GRID2: variants seen among roughly 807,000 people sequenced by gnomAD.
The protein encoded by GRID2 is glutamate ionotropic receptor delta type subunit 2.
GRID2 carries 33 observed loss-of-function variants against 114.8 expected under a neutral mutation model. The ratio of observed to expected loss-of-function variants is 0.29; its 90% CI spans 0.22 to 0.38. The LOEUF (loss-of-function observed/expected upper bound fraction) is 0.38, where lower values mean the gene tolerates loss of function less well. Among genes scored for constraint, GRID2 ranks in the 10% least tolerant of loss-of-function variants. The probability of loss-of-function intolerance (pLI) is 1.00; values close to 1 mark genes in which losing one functional copy is unlikely to be tolerated. For synonymous variants in GRID2, 505 were observed against 449.9 expected (o/e 1.12, Z -1.55); for missense variants, 1,184 against 1,257.7 (o/e 0.94, Z 0.89).
chr4:93,190,600 T>C (rs912139424), intron 4 of GRID2, among the ~76,000 whole-genome samples: 1 of 152,178 alleles, frequency 6.6e-6, no homozygotes, highest in Non-Finnish European at 1.5e-5. Context: ...ATTTGAAATG[T>C]TTCCTTTTTA....
intron 1 of GRID2, among the ~76,000 whole-genome samples, chr4:92,573,291 G>C (rs768481064): frequency 5.9e-5 from 9 of 151,930 alleles, no homozygotes; most frequent in Non-Finnish European, 8.8e-5. Flanking sequence ...TTTTCGAAGG[G>C]TTTTTCATGT....
At chr4:93,012,976 A>G (rs1264628253) in intron 2 of GRID2, among the ~76,000 whole-genome samples, 1 of 152,054 alleles carries the variant, frequency 6.6e-6, no homozygotes, top group Non-Finnish European at 1.5e-5. Flanking sequence ...AACTCCTTTA[A>G]TATTTAATAT....
At chr4:93,793,468 C>T (rs952988963) in intron 1 of GRID2, among the ~76,000 whole-genome samples, 1 of 152,160 alleles carries the variant, frequency 6.6e-6, no homozygotes, top group African/African-American at 2.4e-5. Flanking sequence ...TGTTAGGCAA[C>T]TTCCAATTCC....
chr4:92,722,694 ACT>A (rs899958226), intron 2 of GRID2, among the ~76,000 whole-genome samples: 3 of 152,104 alleles, frequency 2.0e-5, no homozygotes, highest in African/African-American at 7.2e-5. Flanking sequence ...ACGCCAAGTG[ACT>A]CTATTAATTT....
intron 1 of GRID2, among the ~76,000 whole-genome samples, chr4:92,451,271 A>G (rs886773541): frequency 2.6e-5 from 4 of 152,180 alleles, no homozygotes; most frequent in Non-Finnish European, 4.4e-5. Flanking sequence ...TTCTGGGTGG[A>G]ACATGAAAGC....
rs538626864 is a variant in GRID2, at chr4:92,590,574, T to A, written c.244+288T>A. The stretch of plus-strand genomic sequence containing the variant: ...ATGACTTCAGTGTAAATGAAACATC[T>A]TTTTAAAATAGTATTTTCTAACAGA... On this transcript the variant is annotated intron_variant, in intron 2 of 15. Coordinates refer to ENST00000282020, the MANE Select transcript of GRID2 (RefSeq NM_001510.4). Among the ~76,000 whole-genome samples, 79 of 152,320 alleles carry A rather than the reference T, an allele frequency of 5.2e-4. No homozygotes were observed. The Middle Eastern group carries it at 0.017, about 33-fold the overall frequency.
At chr4:93,140,106 T>C in intron 4 of GRID2, among the ~76,000 whole-genome samples, 1 of 151,954 alleles carries the variant, frequency 6.6e-6, no homozygotes, top group African/African-American at 2.4e-5. Context: ...TTTGATCGTC[T>C]CTGCCATCCC....
At chr4:93,687,545 G>A (rs1358642517) in intron 14 of GRID2, among the ~76,000 whole-genome samples, 1 of 151,944 alleles carries the variant, frequency 6.6e-6, no homozygotes, top group Non-Finnish European at 1.5e-5. Flanking sequence ...GAAGCAGAAG[G>A]AAAACAGTGG....
intron 1 of GRID2, among the ~76,000 whole-genome samples, chr4:92,338,824 A>G (rs1235781089): frequency 6.6e-6 from 1 of 152,050 alleles, no homozygotes; most frequent in Non-Finnish European, 1.5e-5. Flanking sequence ...TATAATCTTG[A>G]CTCCTAAAAC....
chr4:93,521,342 T>G (rs1266492270), intron 13 of GRID2, among the ~76,000 whole-genome samples: 1 of 151,986 alleles, frequency 6.6e-6, no homozygotes, highest in East Asian at 1.9e-4. Context: ...GAAAAACATA[T>G]AAACACAATT....
At chr4:93,788,086 G>T (rs1319893182) in intron 1 of GRID2, among the ~76,000 whole-genome samples, 1 of 152,100 alleles carries the variant, frequency 6.6e-6, no homozygotes, top group East Asian at 1.9e-4. Flanking sequence ...GGAGGCCGAG[G>T]CGGGTGGATC....
intron 2 of GRID2, among the ~76,000 whole-genome samples, chr4:93,000,913 A>ATTG (rs1402078147): frequency 2.0e-5 from 3 of 151,610 alleles, no homozygotes; most frequent in Admixed American, 6.6e-5. Flanking sequence ...CACCCATGTA[A>ATTG]CAAACCATGT....
At chr4:93,413,325 A>T (rs1020579624) in intron 9 of GRID2, among the ~76,000 whole-genome samples, 4 of 152,176 alleles carry the variant, frequency 2.6e-5, no homozygotes, top group African/African-American at 7.2e-5. Context: ...TGTGGTTTTG[A>T]TTCGCATTGC....
rs75450031 is a variant in GRID2, at chr4:93,294,706, G to A, written c.1245+56216G>A. Among the ~76,000 whole-genome samples the A allele has an allele frequency of 3.0e-3, 454 of 152,084 alleles. 16 individuals carry two copies. The East Asian group carries it at 0.064, about 21-fold the overall frequency. ...CCCGAGTAGCTGGGATTACAGGCAC[G>A]TACCACCATGCCCAGGTAAATTTTT... is the stretch of plus-strand genomic sequence containing the variant. On this transcript the variant is annotated intron_variant, in intron 8 of 15. Coordinates refer to ENST00000282020, the MANE Select transcript of GRID2 (RefSeq NM_001510.4).
intron 8 of GRID2, among the ~76,000 whole-genome samples, chr4:93,284,905 A>T (rs1752989491): frequency 6.6e-6 from 1 of 152,164 alleles, no homozygotes; most frequent in East Asian, 1.9e-4. Flanking sequence ...GATACTCAAT[A>T]AATATTGGAT....
At chr4:93,425,195 T>G (rs1464094253) in intron 10 of GRID2, among the ~76,000 whole-genome samples, 2 of 152,202 alleles carry the variant, frequency 1.3e-5, no homozygotes, top group South Asian at 2.1e-4. Context: ...CTGGTTACAT[T>G]TGATTATATA....
chr4:93,786,736 GATGTAC>G lies in GRID2; in HGVS notation c.221+17288_221+17293del, dbSNP rs1734601989. Among the ~76,000 whole-genome samples the G allele has an allele frequency of 2.0e-5, 3 of 152,302 alleles. No homozygotes were observed. The South Asian group carries it at 6.2e-4, about 32-fold the overall frequency. The stretch of plus-strand genomic sequence containing the variant: ...CTATCTAGAGCAACATGGCAGAACT[GATGTAC>G]AGCTTTGAGGGCTCAGCTGAGGTTA... On this transcript the variant is annotated intron_variant, in intron 1 of 1. Transcript: ENST00000637838.
At chr4:93,387,395 A>G (rs766583692) in intron 8 of GRID2, among the ~76,000 whole-genome samples, 2 of 152,158 alleles carry the variant, frequency 1.3e-5, no homozygotes, top group Non-Finnish European at 1.5e-5. Flanking sequence ...TTTACTATAC[A>G]GAGTTTAACC....
intron 1 of GRID2, among the ~76,000 whole-genome samples, chr4:92,457,035 C>T (rs1020007579): frequency 3.3e-5 from 5 of 152,070 alleles, no homozygotes; most frequent in South Asian, 4.1e-4. Flanking sequence ...GGCTTATTTT[C>T]GACATTCCTT....
Sources: allele counts gnomAD v4.1 joint callset (sites outside exome capture counted in the v4.1 genomes callset), GRCh38; gene constraint gnomAD v4.1.1; transcripts MANE v1.5; gene names NCBI Gene and HGNC (gene_info 2026-07-23, HGNC 2026-07-21).